The following MTSS2 variants were observed in gnomAD, a reference collection of about 807,000 sequenced individuals.
The protein encoded by MTSS2 is protein MTSS 2.
A neutral mutation model predicts 67.1 loss-of-function variants in MTSS2; 27 were observed. The ratio of observed to expected loss-of-function variants is 0.40; its 90% confidence interval spans 0.30 to 0.55. The LOEUF (loss-of-function observed/expected upper bound fraction) is 0.55, where lower values mean the gene tolerates loss of function less well. Ranked by LOEUF, MTSS2 falls within the 20% of genes least tolerant of loss-of-function variation. The pLI, the probability that MTSS2 is intolerant of heterozygous loss-of-function variation, is 0.43. For missense variants in MTSS2, 1,171 were observed against 1,067.8 expected (o/e 1.10, Z -1.35); for synonymous variants, 624 against 468.6 (o/e 1.33, Z -4.28).
Position 70,669,748 on chromosome 16 carries a change from C to T in MTSS2, c.1054-4208G>A, listed in dbSNP as rs754195619. Among the ~76,000 whole-genome samples, 55 of 148,170 alleles carry T rather than the reference C, an allele frequency of 3.7e-4. 1 individual carries two copies. The highest frequency in any genetic ancestry group is 4.8e-4 in the African/African-American group (19 of 39,854). On this transcript the variant is annotated intron_variant, in intron 11 of 14. Coordinates refer to ENST00000338779, the MANE Select transcript of MTSS2 (RefSeq NM_138383.3). ...AGGAGAATTGCCTGAGCCCGGGAGGCGGAGGTTGCAGTGAGCTGAGATCAT... is the reference window on the plus strand; with the variant it reads ...AGGAGAATTGCCTGAGCCCGGGAGGTGGAGGTTGCAGTGAGCTGAGATCAT...
rs151307361 is a variant in MTSS2 at position 70,674,392 on chromosome 16, C to T, written c.967G>A (p.Val323Ile). 1.1e-5 allele frequency: 18 copies of T among 1,614,026 alleles called. No individual in the cohort carries two copies. The highest frequency in any genetic ancestry group is 8.3e-5 in the Admixed American group (5 of 60,012). The change falls in exon 11 of 15, where the codon GTT becomes ATT. Residue 323 changes from valine (V) to isoleucine (I), a missense_variant. Transcript: ENST00000338779. ...ACGAAGCCAGAGTCATGGGAGGAAA[C>T]GCTGGAGAGGCGAGCGGTGGTGGTG... is the stretch of plus-strand genomic sequence containing the variant. ...PATTTARLSS[V>I]SSHDSGFVSQ...
At position 70,665,450 on chromosome 16, in the gene MTSS2, G is replaced by T; in HGVS notation, c.1128+16C>A. ...GCAGCTGGTGACTGTCCTGGGGCCG[G>T]GCTGGGAGCACTGACCGAGGTGGGG... is the stretch of plus-strand genomic sequence containing the variant. On this transcript the variant is annotated intron_variant, in intron 12 of 14. Transcript: ENST00000338779. The T allele has an allele frequency of 6.5e-7, 1 of 1,550,218 alleles. No individual in the cohort carries two copies. The highest frequency in any genetic ancestry group is 2.4e-5 in the East Asian group (1 of 41,260).
chr16:70,665,795 A>G (rs2052693975), intron 11 of MTSS2: 1 of 378,474 alleles, frequency 2.6e-6, no homozygotes, highest in East Asian at 4.5e-5. Context: ...AAGACTGACC[A>G]CAGGACTCAC....
chr16:70,665,790 T>C, intron 11 of MTSS2: 1 of 397,816 alleles, frequency 2.5e-6, no homozygotes, highest in Non-Finnish European at 4.5e-6. Flanking sequence ...TTTTGAAGAC[T>C]GACCACAGGA....
In MTSS2 at chr16:70,686,004, G is replaced by A. The variant is rs1313664141; in HGVS notation, c.-213C>T. 6.8e-6 allele frequency: 1 copy of A among 147,642 alleles called. No individual in the cohort carries two copies. The highest frequency in any genetic ancestry group is 1.5e-5 in the Non-Finnish European group (1 of 66,368). The allele number at this position is 147,642 out of a possible 1,614,324, so 9.1% of individuals were successfully genotyped here. On this transcript the variant is annotated 5_prime_UTR_variant, in exon 1 of 15. Transcript: ENST00000338779. ...TGTCGCAGCGGGGCTGGCGGGCGGCGCGGGGGGCGCGGCGCGGGCAGCTCG... is the reference window on the plus strand; with the variant it reads ...TGTCGCAGCGGGGCTGGCGGGCGGCACGGGGGGCGCGGCGCGGGCAGCTCG...
chr16:70,680,301 C>T (rs1187708096), intron 3 of MTSS2, among the ~76,000 whole-genome samples: 1 of 152,052 alleles, frequency 6.6e-6, no homozygotes, highest in Non-Finnish European at 1.5e-5. Context: ...TGGGAGAGGC[C>T]GGCGCCAAAG....
At chr16:70,676,638 G>T (rs991121986) in intron 10 of MTSS2, among the ~76,000 whole-genome samples, 1 of 152,176 alleles carries the variant, frequency 6.6e-6, no homozygotes, top group African/African-American at 2.4e-5. Context: ...GCACATAGTG[G>T]ATGCTCCATA....
chr16:70,674,707 T>C (rs1057079433), intron 10 of MTSS2, among the ~76,000 whole-genome samples, 179 bp from the exon 11 acceptor site: 4 of 152,094 alleles, frequency 2.6e-5, no homozygotes, highest in Non-Finnish European at 4.4e-5. Context: ...TCTGGGACGG[T>C]GTGGAAGGGG....
At chr16:70,676,128 C>G (rs1344770257) in intron 10 of MTSS2, among the ~76,000 whole-genome samples, 1 of 152,216 alleles carries the variant, frequency 6.6e-6, no homozygotes, top group Admixed American at 6.5e-5. Context: ...GAGAGGGGTG[C>G]CTGGCAAAGG....
Position 70,661,379 on chromosome 16 carries a change from T to TGGGGGAGG in MTSS2, c.*2290_*2297dup, listed in dbSNP as rs1209206855. On this transcript the variant is annotated 3_prime_UTR_variant, in exon 15 of 15. Transcript: ENST00000338779. ...CAAATGGTTCAGATGGGACGGAGGGTGGGGGAGGGGGGGAGGGTGAGTAGG... is the reference window on the plus strand; with the variant it reads ...CAAATGGTTCAGATGGGACGGAGGGTGGGGGAGGGGGGGAGGGGGGGAGGGTGAGTAGG... 4.7e-4 allele frequency: 11 copies of TGGGGGAGG among 23,448 alleles called. No homozygotes were observed. The East Asian group carries it at 0.012, about 25-fold the overall frequency. 1.5% of individuals were successfully genotyped at this position (23,448 alleles called of 1,614,324 possible).
At chr16:70,666,023 G>A (rs368341844) in intron 11 of MTSS2, among the ~76,000 whole-genome samples, 209 of 152,330 alleles carry the variant, frequency 1.4e-3, no homozygotes, top group Non-Finnish European at 1.4e-3. Flanking sequence ...TAAGCTGAGT[G>A]CAGGGAGAAG....
rs1376906595 is a variant in MTSS2 at position 70,680,038 on chromosome 16, C to T, written c.223G>A (p.Gly75Ser). The T allele has an allele frequency of 6.5e-7, 1 of 1,535,436 alleles. No individual in the cohort carries two copies. Among genetic ancestry groups the T allele is most frequent in the East Asian group, 2.5e-5 (1 of 39,276 alleles). The change falls in exon 4 of 15, where the codon GGC (glycine) becomes AGC (serine). Residue 75 changes from glycine (G) to serine (S), a missense_variant. Gly to Ser is a moderately conservative substitution (Grantham distance 56). Coordinates refer to ENST00000338779, the MANE Select transcript of MTSS2 (RefSeq NM_138383.3). Reference sequence around the variant, plus strand: ...ATGCACATGCGTGTGAGCGCCGAGCCGATGTCCCTCGTGGCCCCTGGCGAG... The same window carrying T: ...ATGCACATGCGTGTGAGCGCCGAGCTGATGTCCCTCGTGGCCCCTGGCGAG... The part of the protein sequence containing the change: ...TNTRGATRDI[G>S]SALTRMCMRH...
At chr16:70,670,274 AACAAAACAAAACGAC>A (rs1234006097) in intron 11 of MTSS2, among the ~76,000 whole-genome samples, 4 of 152,202 alleles carry the variant, frequency 2.6e-5, no homozygotes, top group Non-Finnish European at 4.4e-5. Flanking sequence ...CTGTCTCAAA[AACAAAACAAAACGAC>A]ACAAAACAAA....
Position 70,663,572 on chromosome 16 carries a change from G to C in MTSS2, c.*105C>G. ...ATAAAGTGGCATGGCCTCTGCCCTG[G>C]CTCTGTCCTCTCTCCTGGCTGGGCC... On this transcript the variant is annotated 3_prime_UTR_variant, in exon 15 of 15. Coordinates refer to ENST00000338779, the MANE Select transcript of MTSS2 (RefSeq NM_138383.3). 2.1e-6 allele frequency: 3 copies of C among 1,441,040 alleles called. No homozygotes were observed. The highest frequency in any genetic ancestry group is 2.7e-6 in the Non-Finnish European group (3 of 1,097,174). The allele number at this position is 1,441,040 out of a possible 1,614,324, so 89.3% of individuals were successfully genotyped here.
chr16:70,670,684 A>C (rs2052901222), intron 11 of MTSS2, among the ~76,000 whole-genome samples: 1 of 152,190 alleles, frequency 6.6e-6, no homozygotes, highest in Admixed American at 6.5e-5. Flanking sequence ...AAGGATAAAA[A>C]GGGCAAAACT....
chr16:70,664,343 G>A lies in MTSS2; in HGVS notation c.1578C>T (p.Asn526=). 6.3e-7 allele frequency: 1 copy of A among 1,598,122 alleles called. No individual in the cohort carries two copies. Among genetic ancestry groups the A allele is most frequent in the Non-Finnish European group, 8.5e-7 (1 of 1,174,276 alleles). ...TIPRNSNIAQ[N]YRRLIQTKRP... ...GCTTGGTCTGGATCAGGCGGCGGTAGTTCTGGGCGATGTTGCTGTTGCGCG... is the reference window on the plus strand; with the variant it reads ...GCTTGGTCTGGATCAGGCGGCGGTAATTCTGGGCGATGTTGCTGTTGCGCG... Residue 526 remains asparagine, a synonymous_variant, in exon 15 of 15, where the codon AAC becomes AAT. Transcript: ENST00000338779.
Position 70,663,997 on chromosome 16 carries a change from T to C in MTSS2, c.1924A>G (p.Asn642Asp). ...GGGGATGGGCTGCCCCAGGCTGTGT[T>C]GGGCAGGCTGAGCCTCTTTGGGGAG... is the stretch of plus-strand genomic sequence containing the variant. ...KASPKRLSLP[N>D]TAWGSPSPEA... The change falls in exon 15 of 15, where the codon AAC (asparagine) becomes GAC (aspartate). Residue 642 changes from asparagine (N) to aspartate (D), a missense_variant. Around this residue, in one of 2 missense-constraint regions of MTSS2, gnomAD observed 924 missense variants for 756.0 expected, o/e 1.22. Coordinates refer to ENST00000338779, the MANE Select transcript of MTSS2 (RefSeq NM_138383.3). The C allele has an allele frequency of 6.3e-7, 1 of 1,595,644 alleles. No individual in the cohort carries two copies.
chr16:70,669,998 T>G (rs2052871212), intron 11 of MTSS2, among the ~76,000 whole-genome samples: 1 of 152,076 alleles, frequency 6.6e-6, no homozygotes, highest in African/African-American at 2.4e-5. Context: ...TGGCCAGGTG[T>G]GGTGGCTCAT....
Position 70,677,782 on chromosome 16 carries a change from G to A in MTSS2, c.732+10C>T. On this transcript the variant is annotated intron_variant, in intron 9 of 14. Transcript: ENST00000338779. The stretch of plus-strand genomic sequence containing the variant: ...CCTGGCCCTGGCCCTTGGCCAGAGG[G>A]CTCCCGCACCTGCTCGCTGGCGGGA... 1 of 1,600,204 alleles carries A rather than the reference G, an allele frequency of 6.2e-7. No individual in the cohort carries two copies. Among genetic ancestry groups the A allele is most frequent in the South Asian group, 1.1e-5 (1 of 88,304 alleles).
Sources: gnomAD v4.1 joint callset for allele counts (sites outside exome capture counted in the v4.1 genomes callset) on GRCh38, gnomAD v4.1.1 for gene constraint, gnomAD v4.1.1 regional missense constraint, MANE v1.5 for transcripts, NCBI Gene and HGNC (gene_info 2026-07-23, HGNC 2026-07-21) for gene names.